Variants in SYNE2 observed in about 807,000 individuals in gnomAD.
SYNE2 encodes spectrin repeat containing nuclear envelope protein 2.
In SYNE2, 431 loss-of-function variants were observed where a neutral mutation model predicts 856.3. The ratio of observed to expected loss-of-function variants is 0.50; its 90% confidence interval spans 0.47 to 0.55. SYNE2 has a LOEUF of 0.55. SYNE2 is among the 20% of genes least tolerant of loss of function. SYNE2 has a pLI of 0.00. For missense variants in SYNE2, 8,129 were observed against 8,023.2 expected, an observed-to-expected ratio of 1.01 and a Z score of -0.50; for synonymous variants, 2,923 against 2,872.3, an observed-to-expected ratio of 1.02 and a Z score of -0.56.
intron 94 of SYNE2, among the ~76,000 whole-genome samples, chr14:64,171,882 ACT>A (rs1567540333): frequency 6.6e-6 from 1 of 151,882 alleles, no homozygotes; most frequent in Non-Finnish European, 1.5e-5. Context: ...ACGGAGTCTC[ACT>A]CTGTCGCCCA....
chr14:64,017,835 CATT>C, intron 34 of SYNE2, 79 bp downstream of exon 34: 1 of 1,382,372 alleles, frequency 7.2e-7, no homozygotes, highest in Non-Finnish European at 1.0e-6. Flanking sequence ...AGTCAACAAA[CATT>C]AGGATGCTCA....
rs754675654 is a variant in SYNE2, at chr14:64,119,452, A to G, written c.12866A>G (p.Lys4289Arg). ...CQAMLTEIEH[K>R]VAFLLETCKD... ...GCTATGCTAACAGAGATTGAGCACA[A>G]GGTTGCCTTTCTGTTAGAGACTTGC... The change falls in exon 67 of 116, where the codon AAG becomes AGG. Residue 4289 changes from lysine to arginine, a missense_variant. Physicochemically the swap from Lys to Arg is conservative, Grantham distance 26. Transcript: ENST00000555002. 1 of 1,614,236 alleles carries G rather than the reference A, an allele frequency of 6.2e-7. No individual in the cohort carries two copies. Among genetic ancestry groups the G allele is most frequent in the Non-Finnish European group, 8.5e-7 (1 of 1,180,030 alleles).
intron 2 of SYNE2, among the ~76,000 whole-genome samples, chr14:63,939,492 C>T (rs948941200): frequency 2.6e-5 from 4 of 151,994 alleles, no homozygotes; most frequent in African/African-American, 4.8e-5. Context: ...GGACTACAGG[C>T]GTGTGCCACC....
chr14:64,212,228 C>T, intron 104 of SYNE2, 130 bp downstream of exon 104: 1 of 1,434,812 alleles, frequency 7.0e-7, no homozygotes, highest in Non-Finnish European at 9.7e-7. Context: ...AGGCTACATC[C>T]CACCTGTGTA....
At chr14:64,167,855 C>G (rs760001012) in intron 92 of SYNE2, among the ~76,000 whole-genome samples, 1 of 152,158 alleles carries the variant, frequency 6.6e-6, no homozygotes, top group Non-Finnish European at 1.5e-5. Flanking sequence ...GGAGAGGACT[C>G]CTAGATTTTC....
chr14:63,987,953 CAG>C (rs1483870026), intron 19 of SYNE2, among the ~76,000 whole-genome samples: 2 of 152,070 alleles, frequency 1.3e-5, no homozygotes, highest in Admixed American at 6.6e-5. Context: ...GGTTTTTAAA[CAG>C]AGTTGTATTT....
At chr14:63,953,189 G>A (rs544813162) in intron 7 of SYNE2, among the ~76,000 whole-genome samples, 12 of 152,196 alleles carry the variant, frequency 7.9e-5, no homozygotes, top group Non-Finnish European at 1.8e-4. Context: ...AAGCAGATTA[G>A]GAAGGACTTT....
At chr14:63,954,687 G>T (rs1189295304) in intron 7 of SYNE2, 32 bp from the exon 8 acceptor site, 1 of 1,599,192 alleles carries the variant, frequency 6.3e-7, no homozygotes, top group Non-Finnish European at 8.6e-7. Context: ...CTTTTTAATG[G>T]TATTTGTCAT....
intron 106 of SYNE2, among the ~76,000 whole-genome samples, chr14:64,214,999 C>G (rs779911570): frequency 2.0e-5 from 3 of 152,168 alleles, no homozygotes; most frequent in Non-Finnish European, 4.4e-5. Context: ...CTCAGCCTCC[C>G]AAAGTACTGA....
chr14:63,942,067 T>G lies in SYNE2; in HGVS notation c.332T>G (p.Ile111Ser). 6.2e-7 allele frequency: 1 copy of G among 1,610,824 alleles called. No homozygotes were observed. ...GTTTTCCAGATTAAGCTAATAAATA[T>G]TCATGTTACTGATATCATTGATGGA... ...LRNRSIKLINIHVTDIIDGNP... is the reference protein window; with the variant it reads ...LRNRSIKLINSHVTDIIDGNP... The change falls in exon 6 of 116, where the codon ATT (isoleucine) becomes AGT (serine). Residue 111 changes from isoleucine (I) to serine (S), a missense_variant. This residue lies in a region of SYNE2 where 2,422 missense variants were observed against 2,357.4 expected (regional missense o/e 1.03). Transcript: ENST00000555002.
chr14:64,017,190 A>G (rs1020219505), intron 33 of SYNE2, among the ~76,000 whole-genome samples: 2 of 151,882 alleles, frequency 1.3e-5, no homozygotes, highest in African/African-American at 4.8e-5. Context: ...TTAGCCGGGC[A>G]TGGTGGTGCA....
chr14:63,984,616 G>A (rs1457953266), intron 18 of SYNE2, among the ~76,000 whole-genome samples: 1 of 152,144 alleles, frequency 6.6e-6, no homozygotes, highest in Non-Finnish European at 1.5e-5. Context: ...ATCCTACCAA[G>A]TATGGGAAAA....
intron 84 of SYNE2, among the ~76,000 whole-genome samples, chr14:64,151,482 AAGCTGGGATCCTTAGGCAAAGCAATTTTC>A: frequency 1.7e-5 from 2 of 119,318 alleles, no homozygotes; most frequent in African/African-American, 6.1e-5. Flanking sequence ...TTCAAAAAAA[AAGCTGGGATCCTTAGGCAAAGCAATTTTC>A]AAAAAAAAAA....
chr14:64,124,228 T>A (rs985973049), intron 70 of SYNE2, among the ~76,000 whole-genome samples: 1 of 151,992 alleles, frequency 6.6e-6, no homozygotes, highest in Non-Finnish European at 1.5e-5. Context: ...GGGTTCTCGC[T>A]GTTACCCAGG....
chr14:64,183,652 G>A (rs1354621709), intron 96 of SYNE2, among the ~76,000 whole-genome samples: 5 of 152,124 alleles, frequency 3.3e-5, no homozygotes, highest in Admixed American at 1.3e-4. Context: ...ACGAGACTCC[G>A]TCTGCAATCC....
chr14:63,968,925 TA>T (rs1275130156), intron 11 of SYNE2, among the ~76,000 whole-genome samples: 4 of 152,210 alleles, frequency 2.6e-5, no homozygotes, highest in Non-Finnish European at 5.9e-5. Flanking sequence ...TATCAAATAG[TA>T]GGTCTTATTT....
rs2096556939 is a variant in SYNE2 at position 63,977,918 on chromosome 14, G to C, written c.1307G>C (p.Arg436Thr). 2.5e-6 allele frequency: 4 copies of C among 1,612,848 alleles called. No homozygotes were observed. Among genetic ancestry groups the C allele is most frequent in the Non-Finnish European group, 3.4e-6 (4 of 1,178,916 alleles). Residue 436 changes from arginine to threonine, a missense_variant, in exon 13 of 116, where the codon AGA becomes ACA. Coordinates refer to ENST00000555002, the MANE Select transcript of SYNE2 (RefSeq NM_182914.3). ...KMTLFKSLMD[R>T]FEHHSNILLT... ...ATTTCTTTTCAGAGCCTGATGGATA[G>C]ATTTGAGCATCATTCGAACATTCTC...
At chr14:64,123,770 C>G (rs2097915586) in intron 70 of SYNE2, among the ~76,000 whole-genome samples, 1 of 152,002 alleles carries the variant, frequency 6.6e-6, no homozygotes, top group Non-Finnish European at 1.5e-5. Context: ...GACTTGAATT[C>G]TATTCTAATA....
chr14:63,807,626 G>T (rs1292278055), intron 1 of SYNE2, among the ~76,000 whole-genome samples: 1 of 149,226 alleles, frequency 6.7e-6, no homozygotes, highest in Non-Finnish European at 1.5e-5. Context: ...TTCTTAGAGA[G>T]TTGGTCTGCT....
Sources: gnomAD v4.1 joint callset for allele counts (sites outside exome capture counted in the v4.1 genomes callset) on GRCh38, gnomAD v4.1.1 for gene constraint, gnomAD v4.1.1 regional missense constraint, MANE v1.5 for transcripts, NCBI Gene and HGNC (gene_info 2026-07-23, HGNC 2026-07-21) for gene names.